The following CDH18 variants were observed in gnomAD, a reference collection of about 807,000 sequenced individuals.
CDH18 encodes cadherin-18.
A neutral mutation model predicts 67.9 loss-of-function variants in CDH18; 31 were observed. The observed-to-expected ratio is 0.46, with a 90% CI of 0.34 to 0.62. The LOEUF is 0.62. Ranked by LOEUF, CDH18 falls within the 20% of genes least tolerant of loss-of-function variation. The probability of loss-of-function intolerance (pLI) is 0.01; values close to 1 mark genes in which losing one functional copy is unlikely to be tolerated. For missense variants in CDH18, 890 were observed against 975.5 expected (o/e 0.91, Z 1.17); for synonymous variants, 362 against 347.2 (o/e 1.04, Z -0.48).
chr5:20,310,639 G>T (rs938456896), intron 1 of CDH18, among the ~76,000 whole-genome samples: 1 of 152,140 alleles, frequency 6.6e-6, no homozygotes, highest in African/African-American at 2.4e-5. Flanking sequence ...GGTCTGACCG[G>T]TGTAAGTGTT....
At chr5:20,472,052 C>T (rs1752131374) in intron 1 of CDH18, among the ~76,000 whole-genome samples, 1 of 152,226 alleles carries the variant, frequency 6.6e-6, no homozygotes, top group Admixed American at 6.5e-5. Context: ...TATGAACAAA[C>T]CGTCTTTAAT....
intron 2 of CDH18, among the ~76,000 whole-genome samples, chr5:20,040,917 C>T (rs540655977): frequency 3.3e-5 from 5 of 152,292 alleles, no homozygotes; most frequent in East Asian, 1.9e-4. Context: ...CCACATTGCA[C>T]ACAGATTGTT....
chr5:19,673,205 A>G (rs2150357045), intron 5 of CDH18, among the ~76,000 whole-genome samples: 1 of 152,222 alleles, frequency 6.6e-6, no homozygotes. Flanking sequence ...ACTGCCAGGA[A>G]TTACTAGGAA....
At chr5:20,281,490 T>A (rs1746268646) in intron 1 of CDH18, among the ~76,000 whole-genome samples, 1 of 152,174 alleles carries the variant, frequency 6.6e-6, no homozygotes, top group Admixed American at 6.5e-5. Flanking sequence ...CTTGTTTTTG[T>A]CAGGCTTGTC....
In CDH18 at chr5:20,378,199, A is replaced by G. The variant is rs542632528; in HGVS notation, c.-579-122694T>C. ...TCTTTCTTTTTCTTTTTTGAGACAG[A>G]GTCTCCCGCTGTCGTCCAAGCTGGA... On this transcript the variant is annotated intron_variant, in intron 1 of 14. Transcript: ENST00000507958. 7.2e-4 allele frequency among the ~76,000 whole-genome samples: 109 copies of G among 152,248 alleles called. 3 individuals are homozygous for G. Among genetic ancestry groups the G allele is most frequent in the Admixed American group, 2.4e-3 (37 of 15,290 alleles).
chr5:20,394,640 CAT>C (rs952176704), intron 1 of CDH18, among the ~76,000 whole-genome samples: 1 of 152,038 alleles, frequency 6.6e-6, no homozygotes, highest in African/African-American at 2.4e-5. Context: ...TCAGAGTGAA[CAT>C]ATAACCCAAA....
chr5:19,642,978 AC>A (rs1473725740), intron 5 of CDH18, among the ~76,000 whole-genome samples: 16 of 152,238 alleles, frequency 1.1e-4, no homozygotes, highest in South Asian at 4.1e-4. Context: ...TAGCAAAAAA[AC>A]AACAAAGATA....
intron 5 of CDH18, among the ~76,000 whole-genome samples, chr5:19,677,794 T>G (rs1349765521): frequency 6.6e-6 from 1 of 151,878 alleles, no homozygotes; most frequent in African/African-American, 2.4e-5. Context: ...ATTTGAGACC[T>G]AAAAACTAAC....
chr5:19,958,711 T>C (rs1207513760), intron 2 of CDH18, among the ~76,000 whole-genome samples: 1 of 152,130 alleles, frequency 6.6e-6, no homozygotes, highest in Non-Finnish European at 1.5e-5. Context: ...CTTTCATCTC[T>C]ATATCCTGGA....
chr5:20,446,269 A>C (rs4866190), intron 1 of CDH18, among the ~76,000 whole-genome samples: 111,934 of 151,976 alleles, frequency 0.74, 41,563 homozygotes, highest in Admixed American at 0.84. Flanking sequence ...AAATTCCATC[A>C]GAGTAGAGTC....
At chr5:20,270,983 A>C (rs1745394087) in intron 1 of CDH18, among the ~76,000 whole-genome samples, 1 of 152,124 alleles carries the variant, frequency 6.6e-6, no homozygotes, top group East Asian at 1.9e-4. Context: ...GGCATATCTG[A>C]GGGCATAGGG....
chr5:19,817,420 C>G (rs766134700), intron 3 of CDH18, among the ~76,000 whole-genome samples: 1 of 151,788 alleles, frequency 6.6e-6, no homozygotes, highest in Non-Finnish European at 1.5e-5. Context: ...TGTACAAGGA[C>G]ATTCATAACA....
At chr5:20,003,852 G>C (rs1322702126) in intron 2 of CDH18, among the ~76,000 whole-genome samples, 2 of 152,146 alleles carry the variant, frequency 1.3e-5, no homozygotes, top group African/African-American at 4.8e-5. Context: ...AGCCCAGATT[G>C]AGCCACTGCA....
intron 11 of CDH18, among the ~76,000 whole-genome samples, chr5:19,492,497 T>C (rs79282138): frequency 4.2e-4 from 64 of 152,238 alleles, no homozygotes; most frequent in Non-Finnish European, 7.7e-4. Flanking sequence ...ACAATGAAAT[T>C]ATTTGATGTT....
intron 1 of CDH18, among the ~76,000 whole-genome samples, chr5:20,516,218 T>G (rs1350394301): frequency 6.6e-6 from 1 of 152,024 alleles, no homozygotes; most frequent in African/African-American, 2.4e-5. Context: ...TAGAATTTGC[T>G]GTAGAGAAAT....
intron 5 of CDH18, among the ~76,000 whole-genome samples, chr5:19,640,672 C>T (rs1288082013): frequency 6.6e-6 from 1 of 151,932 alleles, no homozygotes; most frequent in African/African-American, 2.4e-5. Flanking sequence ...TGTATCGAAA[C>T]TTTTGGGATA....
At chr5:20,397,306 A>C (rs1469488147) in intron 1 of CDH18, among the ~76,000 whole-genome samples, 1 of 151,768 alleles carries the variant, frequency 6.6e-6, no homozygotes, top group Non-Finnish European at 1.5e-5. Context: ...AATTTTTTGT[A>C]TTTTTAGTAG....
intron 2 of CDH18, among the ~76,000 whole-genome samples, chr5:19,947,402 ATAT>A (rs1795368508): frequency 6.6e-6 from 1 of 151,964 alleles, no homozygotes; most frequent in South Asian, 2.1e-4. Context: ...TTCAGGATAT[ATAT>A]AGGCATGATC....
intron 2 of CDH18, among the ~76,000 whole-genome samples, chr5:19,840,285 A>AG (rs1782147936): frequency 3.8e-5 from 2 of 52,442 alleles, no homozygotes; most frequent in African/African-American, 9.9e-5. Flanking sequence ...AAAAAAAAAA[A>AG]AAGAAAAAAA....
Sources: gnomAD v4.1 joint callset for allele counts (sites outside exome capture counted in the v4.1 genomes callset) on GRCh38, gnomAD v4.1.1 for gene constraint, MANE v1.5 for transcripts, NCBI Gene and HGNC (gene_info 2026-07-23, HGNC 2026-07-21) for gene names.